BCO1: variants seen among roughly 807,000 people sequenced by gnomAD.
The protein encoded by BCO1 is beta,beta-carotene 15,15'-dioxygenase.
A neutral mutation model predicts 56.3 loss-of-function variants in BCO1; 54 were observed. That is an observed-to-expected ratio of 0.96 (90% CI 0.77 to 1.20). The LOEUF (loss-of-function observed/expected upper bound fraction) is 1.20. Among genes scored for constraint, BCO1 ranks in the 50% most tolerant of loss-of-function variants. The probability of loss-of-function intolerance (pLI) is 0.00; values close to 1 mark genes in which losing one functional copy is unlikely to be tolerated. For missense variants in BCO1, 801 were observed against 690.9 expected (o/e 1.16, Z -1.79); for synonymous variants, 318 against 266.1 (o/e 1.20, Z -1.90).
chr16:81,280,827 T>C (rs1192303631), intron 7 of BCO1, 30 bp from the exon 8 acceptor site: 1 of 1,518,290 alleles, frequency 6.6e-7, no homozygotes, highest in Non-Finnish European at 9.2e-7. Flanking sequence ...CACGTTTTTA[T>C]TTTACTTTTT....
chr16:81,240,097 C>T (rs1905046413), intron 1 of BCO1, among the ~76,000 whole-genome samples: 1 of 151,772 alleles, frequency 6.6e-6, no homozygotes, highest in South Asian at 2.1e-4. Flanking sequence ...TATATATTTT[C>T]CTGGTTACAA....
At position 81,262,223 on chromosome 16, in the gene BCO1, G is replaced by A. The variant is rs1414090181; in HGVS notation, c.411G>A (p.Ala137=). Residue 137 remains alanine (A), a synonymous_variant, in exon 4 of 11, where the codon GCG becomes GCA. Coordinates refer to ENST00000258168, the MANE Select transcript of BCO1 (RefSeq NM_017429.3). Reference sequence around the variant, plus strand: ...TGAAGTGCGGAGAAGACTTCTACGCGACCTCAGAGACCAATTACATCAGGA... The same window carrying A: ...TGAAGTGCGGAGAAGACTTCTACGCAACCTCAGAGACCAATTACATCAGGA... ...NIMKCGEDFY[A]TSETNYIRKI... The A allele has an allele frequency of 2.5e-6, 4 of 1,613,626 alleles. No individual in the cohort carries two copies. The highest frequency in any genetic ancestry group is 2.2e-5 in the South Asian group (2 of 91,060).
At chr16:81,254,295 A>ATTTTTTTTTTTTTTTTTT (rs57961725) in intron 2 of BCO1, among the ~76,000 whole-genome samples, 4 of 78,290 alleles carry the variant, frequency 5.1e-5, no homozygotes, top group Non-Finnish European at 7.0e-5. Flanking sequence ...CGCCCGGCTA[A>ATTTTTTTTTTTTTTTTTT]TTTTTTTTTT....
At chr16:81,290,242 G>A (rs1567468959) in intron 10 of BCO1, 106 bp from the exon 11 acceptor site, 2 of 923,780 alleles carry the variant, frequency 2.2e-6, no homozygotes, top group Non-Finnish European at 3.5e-6. Flanking sequence ...CTCCTGTTTT[G>A]GTTAGATACA....
At chr16:81,256,956 A>G (rs1436479402) in intron 2 of BCO1, among the ~76,000 whole-genome samples, 1 of 151,144 alleles carries the variant, frequency 6.6e-6, no homozygotes, top group Non-Finnish European at 1.5e-5. Context: ...TCCCAATTTC[A>G]TTTCACTCCT....
chr16:81,249,703 G>A (rs1294612696), intron 2 of BCO1, among the ~76,000 whole-genome samples: 1 of 152,146 alleles, frequency 6.6e-6, no homozygotes, highest in African/African-American at 2.4e-5. Flanking sequence ...GCCCGGCCGA[G>A]TCAGTTTTAT....
chr16:81,242,399 C>T (rs1020650167), intron 1 of BCO1, among the ~76,000 whole-genome samples: 2 of 151,966 alleles, frequency 1.3e-5, no homozygotes, highest in Non-Finnish European at 2.9e-5. Flanking sequence ...CGGGGTTTCA[C>T]CATATTGGCC....
intron 5 of BCO1, among the ~76,000 whole-genome samples, chr16:81,265,820 A>G (rs1906785950): frequency 1.0e-5 from 1 of 96,702 alleles, no homozygotes; most frequent in Non-Finnish European, 2.3e-5. Flanking sequence ...CTGCCCATCC[A>G]TCCATCATTC....
rs1018317772 is a variant in BCO1 at position 81,241,581 on chromosome 16, G to T, written c.64+2609G>T. 1.8e-4 allele frequency among the ~76,000 whole-genome samples: 28 copies of T among 152,146 alleles called. 1 individual carries two copies. Among genetic ancestry groups the T allele is most frequent in the Admixed American group, 1.8e-3 (28 of 15,270 alleles). The stretch of plus-strand genomic sequence containing the variant: ...CCCAGACCCACGGGGTCAGACACTT[G>T]GGGGGTGGAGCTCAGCAAGCTGTGT... On this transcript the variant is annotated intron_variant, in intron 1 of 10. Transcript: ENST00000258168.
chr16:81,252,068 C>T (rs1271358427), intron 2 of BCO1, among the ~76,000 whole-genome samples: 3 of 152,024 alleles, frequency 2.0e-5, no homozygotes, highest in African/African-American at 4.8e-5. Context: ...TAATCTCAAC[C>T]TCAAAGTCCA....
intron 6 of BCO1, among the ~76,000 whole-genome samples, chr16:81,269,556 C>A (rs936072884): frequency 2.0e-5 from 3 of 152,114 alleles, no homozygotes; most frequent in Non-Finnish European, 4.4e-5. Context: ...CACCCTCCAC[C>A]TCCTGGGTTC....
chr16:81,277,492 T>C (rs948248188), intron 7 of BCO1, among the ~76,000 whole-genome samples: 1 of 152,164 alleles, frequency 6.6e-6, no homozygotes, highest in Non-Finnish European at 1.5e-5. Context: ...AATTTAATCC[T>C]AACATAATGC....
At chr16:81,249,700 C>T (rs753846225) in intron 2 of BCO1, among the ~76,000 whole-genome samples, 19 of 152,194 alleles carry the variant, frequency 1.2e-4, no homozygotes, top group Non-Finnish European at 2.2e-4. Flanking sequence ...CGCGCCCGGC[C>T]GAGTCAGTTT....
intron 5 of BCO1, among the ~76,000 whole-genome samples, chr16:81,267,007 G>T (rs1906871644): frequency 1.3e-5 from 2 of 152,196 alleles, no homozygotes; most frequent in Admixed American, 6.5e-5. Flanking sequence ...AGGCCTGGGT[G>T]GGGAGGCCTT....
At chr16:81,264,866 G>T in intron 5 of BCO1, 79 bp downstream of exon 5, 1 of 1,510,292 alleles carries the variant, frequency 6.6e-7, no homozygotes, top group Non-Finnish European at 9.2e-7. Flanking sequence ...TTTCGTTGAT[G>T]ACACAAGATC....
intron 1 of BCO1, among the ~76,000 whole-genome samples, chr16:81,239,501 A>C (rs1255996713): frequency 6.6e-6 from 1 of 152,210 alleles, no homozygotes; most frequent in Non-Finnish European, 1.5e-5. Flanking sequence ...CACTGTTCCC[A>C]GGAAAAAAGC....
At chr16:81,261,634 T>C (rs1906485660) in intron 3 of BCO1, among the ~76,000 whole-genome samples, 1 of 152,198 alleles carries the variant, frequency 6.6e-6, no homozygotes, top group Non-Finnish European at 1.5e-5. Flanking sequence ...GCCGACTCAT[T>C]TCTTAGCTAA....
Position 81,241,443 on chromosome 16 carries a change from C to T in BCO1, c.64+2471C>T, listed in dbSNP as rs925057134. On this transcript the variant is annotated intron_variant, in intron 1 of 10. Transcript: ENST00000258168. Reference sequence around the variant, plus strand: ...GTTAGAAAACATGAATTCTAGAACACGAGAGGCTGAGTGAGCCCCAAAGAT... The same window carrying T: ...GTTAGAAAACATGAATTCTAGAACATGAGAGGCTGAGTGAGCCCCAAAGAT... Among the ~76,000 whole-genome samples the T allele has an allele frequency of 4.6e-5, 7 of 152,184 alleles. No homozygotes were observed. The East Asian group carries it at 5.8e-4, about 13-fold the overall frequency.
intron 8 of BCO1, 31 bp from the exon 9 acceptor site, chr16:81,285,505 ATAGG>A (rs770148276): frequency 1.4e-6 from 2 of 1,463,938 alleles, no homozygotes; most frequent in Non-Finnish European, 1.9e-6. Context: ...GCCCCCAATG[ATAGG>A]GGCTTCATCC....
Sources: allele counts gnomAD v4.1 joint callset (sites outside exome capture counted in the v4.1 genomes callset), GRCh38; gene constraint gnomAD v4.1.1; transcripts MANE v1.5; gene names NCBI Gene and HGNC (gene_info 2026-07-23, HGNC 2026-07-21).